Variants in KALRN observed in about 807,000 individuals in gnomAD.
KALRN encodes kalirin.
A neutral mutation model predicts 353.7 loss-of-function variants in KALRN; 70 were observed. The ratio of observed to expected loss-of-function variants is 0.20; its 90% CI spans 0.16 to 0.24. The LOEUF is 0.24. Among genes scored for constraint, KALRN ranks in the 10% least tolerant of loss-of-function variants. The pLI is 1.00. For missense variants in KALRN, 2,791 were observed against 3,756.7 expected, an observed-to-expected ratio of 0.74 and a Z score of 6.72; for synonymous variants, 1,391 against 1,434.8, an observed-to-expected ratio of 0.97 and a Z score of 0.69.
chr3:124,280,343 C>A lies in KALRN; in HGVS notation c.969+11088C>A, dbSNP rs149949071. On this transcript the variant is annotated intron_variant, in intron 5 of 59. Transcript: ENST00000682506. ...CAGAATCTACCCTCCTGTAGTTACA[C>A]CCTGCAGTCCCATCTCTGTCTCCCA... Among the ~76,000 whole-genome samples, 119 of 152,302 alleles carry A rather than the reference C, an allele frequency of 7.8e-4. 1 individual carries two copies. The highest frequency in any genetic ancestry group is 2.7e-3 in the African/African-American group (113 of 41,572).
intron 53 of KALRN, among the ~76,000 whole-genome samples, chr3:124,694,978 T>A (rs1030795032): frequency 1.3e-5 from 2 of 152,220 alleles, no homozygotes; most frequent in Admixed American, 6.5e-5. Flanking sequence ...TCAGAAGATT[T>A]AGACTTCTGA....
chr3:124,624,754 G>A (rs192268016), intron 34 of KALRN, among the ~76,000 whole-genome samples: 18 of 152,296 alleles, frequency 1.2e-4, no homozygotes, highest in Non-Finnish European at 2.2e-4. Flanking sequence ...ACTTCCAAAT[G>A]GTGAGGGAGG....
intron 34 of KALRN, among the ~76,000 whole-genome samples, chr3:124,629,814 GTCTC>G (rs10535810): frequency 2.0e-5 from 3 of 150,862 alleles, no homozygotes; most frequent in South Asian, 2.1e-4. Flanking sequence ...CTCTCTCTCT[GTCTC>G]TCTCTCTCTC....
At chr3:124,695,985 C>T (rs1466099569) in intron 53 of KALRN, 149 bp from the exon 54 acceptor site, 2 of 676,188 alleles carry the variant, frequency 3.0e-6, no homozygotes, top group Non-Finnish European at 4.9e-6. Flanking sequence ...TGTAGAGAAA[C>T]AGGGTGGTAG....
At position 124,705,849 on chromosome 3, in the gene KALRN, T is replaced by C. The variant is rs201700482; in HGVS notation, c.8075+3733T>C. Among the ~76,000 whole-genome samples the C allele has an allele frequency of 8.1e-5, 12 of 147,808 alleles. No individual in the cohort carries two copies. The East Asian group carries it at 1.4e-3, about 17-fold the overall frequency. On this transcript the variant is annotated intron_variant, in intron 57 of 59. Coordinates refer to ENST00000682506, the MANE Select transcript of KALRN (RefSeq NM_001388419.1). ...CTTCCTTCCTTCCTTCCTTCCTTCC[T>C]TCCCTCCCTCCCTTCCTTCCTCCCT...
chr3:124,347,867 A>T (rs115039113), intron 10 of KALRN, among the ~76,000 whole-genome samples: 310 of 152,332 alleles, frequency 2.0e-3, no homozygotes, highest in Non-Finnish European at 3.1e-3. Context: ...TATAATGTTC[A>T]GTCTTTTAGC....
At chr3:124,319,151 G>A (rs1157073357) in intron 6 of KALRN, among the ~76,000 whole-genome samples, 1 of 151,650 alleles carries the variant, frequency 6.6e-6, no homozygotes, top group East Asian at 1.9e-4. Context: ...CCAGCTAAAT[G>A]TATTAAAGAT....
At chr3:124,329,811 C>A (rs1239594641) in intron 7 of KALRN, 50 bp from the exon 8 acceptor site, 7 of 1,588,582 alleles carry the variant, frequency 4.4e-6, no homozygotes, top group Non-Finnish European at 6.0e-6. Context: ...ATCCACCCAA[C>A]TCCTCACCCC....
chr3:124,615,328 T>C (rs1200543808), intron 34 of KALRN, among the ~76,000 whole-genome samples: 1 of 152,164 alleles, frequency 6.6e-6, no homozygotes, highest in Non-Finnish European at 1.5e-5. Context: ...GATGTGCAGA[T>C]CATAAAAGAC....
At chr3:124,511,098 C>G (rs533761974) in intron 33 of KALRN, among the ~76,000 whole-genome samples, 1 of 152,182 alleles carries the variant, frequency 6.6e-6, no homozygotes, top group South Asian at 2.1e-4. Context: ...CCCCACAGAG[C>G]CACCTACACT....
rs1421313474 is a variant in KALRN, at chr3:124,330,246, T to TCTCACACACA, written c.1416+255_1416+256insTCACACACAC. 3.3e-3 allele frequency among the ~76,000 whole-genome samples: 443 copies of TCTCACACACA among 134,374 alleles called. 4 individuals are homozygous for TCTCACACACA. The highest frequency in any genetic ancestry group is 5.7e-3 in the Non-Finnish European group (359 of 63,054). The allele number at this position is 134,374 out of a possible 152,430, so 88.2% of individuals were successfully genotyped here. On this transcript the variant is annotated intron_variant, in intron 8 of 59. Coordinates refer to ENST00000682506, the MANE Select transcript of KALRN (RefSeq NM_001388419.1). ...CGCATTCATTCTCTCTCTCTCTCTC[T>TCTCACACACA]CACACACACACACACACACACACAC...
In KALRN at chr3:124,283,530, C is replaced by G. The variant is rs570793483; in HGVS notation, c.969+14275C>G. ...ACTCCTGGCTTGGTTAGTTCTGTTT[C>G]TCATCTGCTTGACTTGCTGGCTCCT... On this transcript the variant is annotated intron_variant, in intron 5 of 59. Transcript: ENST00000682506. Among the ~76,000 whole-genome samples, 14 of 152,268 alleles carry G rather than the reference C, an allele frequency of 9.2e-5. No homozygotes were observed. The East Asian group carries it at 2.7e-3, about 29-fold the overall frequency.
intron 33 of KALRN, among the ~76,000 whole-genome samples, chr3:124,541,469 TA>T (rs201684869): frequency 2.1e-3 from 315 of 148,260 alleles, no homozygotes; most frequent in African/African-American, 5.1e-3. Context: ...AAATTAAAAT[TA>T]AAAAAAAAAC....
intron 33 of KALRN, among the ~76,000 whole-genome samples, chr3:124,509,454 C>T (rs776586286): frequency 1.2e-4 from 19 of 152,198 alleles, no homozygotes; most frequent in Non-Finnish European, 2.2e-4. Flanking sequence ...GTGATCCACC[C>T]ACTTCGGCCT....
intron 6 of KALRN, among the ~76,000 whole-genome samples, chr3:124,306,221 C>T (rs1580753594): frequency 6.6e-6 from 1 of 152,122 alleles, no homozygotes; most frequent in Non-Finnish European, 1.5e-5. Context: ...ACTACAGGTG[C>T]ATGCCACCAT....
At chr3:124,185,595 G>A (rs996259326) in intron 1 of KALRN, among the ~76,000 whole-genome samples, 8 of 152,304 alleles carry the variant, frequency 5.3e-5, no homozygotes, top group African/African-American at 1.4e-4. Context: ...TGACTCTGTC[G>A]TGAGCAGTAG....
chr3:124,035,117 G>A (rs869585), intron 1 of KALRN, among the ~76,000 whole-genome samples: 2,194 of 152,196 alleles, frequency 0.014, 30 homozygotes, highest in Non-Finnish European at 0.023. Flanking sequence ...AAATCAGAGG[G>A]AGCCCTGTCA....
chr3:124,384,585 C>T (rs760234354), intron 10 of KALRN: 6 of 357,432 alleles, frequency 1.7e-5, no homozygotes, highest in African/African-American at 4.1e-5. Context: ...AGGTTCTCTA[C>T]GCTCTCCCCA....
intron 33 of KALRN, chr3:124,518,535 C>T: frequency 6.2e-7 from 1 of 1,612,136 alleles, no homozygotes; most frequent in South Asian, 1.1e-5. Flanking sequence ...CACCAGGACT[C>T]CAATCACCCA....
Sources: allele counts gnomAD v4.1 joint callset (sites outside exome capture counted in the v4.1 genomes callset), GRCh38; gene constraint gnomAD v4.1.1; transcripts MANE v1.5; gene names NCBI Gene and HGNC (gene_info 2026-07-23, HGNC 2026-07-21).